Variants in TSPAN18 observed in about 807,000 individuals in gnomAD.
TSPAN18 encodes tetraspanin 18, also known as tetraspanin-18.
TSPAN18 carries 14 observed loss-of-function variants against 27.3 expected under a neutral mutation model. That is an observed-to-expected ratio of 0.51 (90% CI 0.34 to 0.80). The LOEUF is 0.80. Ranked by LOEUF, TSPAN18 falls within the 30% of genes least tolerant of loss-of-function variation. The probability of loss-of-function intolerance (pLI) is 0.01; values close to 1 mark genes in which losing one functional copy is unlikely to be tolerated. For synonymous variants in TSPAN18, 143 were observed against 136.5 expected, an observed-to-expected ratio of 1.05 and a Z score of -0.33; for missense variants, 268 against 323.9, an observed-to-expected ratio of 0.83 and a Z score of 1.32.
intron 4 of TSPAN18, among the ~76,000 whole-genome samples, chr11:44,907,144 C>CAG (rs10626878): frequency 0.96 from 146,511 of 152,234 alleles, 70,785 homozygotes; most frequent in Non-Finnish European, 1. Flanking sequence ...TATGAAGGGA[C>CAG]AGCCCCGGAC....
intron 2 of TSPAN18, among the ~76,000 whole-genome samples, chr11:44,778,399 A>T (rs976807942): frequency 2.6e-5 from 4 of 152,058 alleles, no homozygotes; most frequent in African/African-American, 9.7e-5. Context: ...TCACCAATCA[A>T]TTGCAGCACT....
At chr11:44,823,157 C>T (rs901380529) in intron 2 of TSPAN18, among the ~76,000 whole-genome samples, 1 of 152,204 alleles carries the variant, frequency 6.6e-6, no homozygotes, top group East Asian at 1.9e-4. Context: ...GCCGGCAACG[C>T]CCCCCCACTG....
At chr11:44,794,704 C>CCCTTTT (rs1856307376) in intron 2 of TSPAN18, among the ~76,000 whole-genome samples, 2 of 151,940 alleles carry the variant, frequency 1.3e-5, no homozygotes, top group African/African-American at 2.4e-5. Flanking sequence ...GTCTCTGTTC[C>CCCTTTT]GAGACGTAAG....
intron 2 of TSPAN18, among the ~76,000 whole-genome samples, chr11:44,856,244 A>G (rs1288973962): frequency 1.3e-5 from 2 of 151,956 alleles, no homozygotes; most frequent in Non-Finnish European, 2.9e-5. Context: ...GTGGCTCCCC[A>G]TTGCCTGTGG....
chr11:44,921,687 G>GT (rs1860143084), intron 8 of TSPAN18, among the ~76,000 whole-genome samples: 1 of 152,206 alleles, frequency 6.6e-6, no homozygotes, highest in Non-Finnish European at 1.5e-5. Context: ...CCACCATAGC[G>GT]TGGGGTTTAT....
chr11:44,806,673 A>G (rs1856599688), intron 2 of TSPAN18, among the ~76,000 whole-genome samples: 1 of 152,250 alleles, frequency 6.6e-6, no homozygotes, highest in Non-Finnish European at 1.5e-5. Flanking sequence ...TTGTTCCACT[A>G]TAAAAATCTG....
At chr11:44,882,108 G>C (rs1403237657) in intron 3 of TSPAN18, among the ~76,000 whole-genome samples, 1 of 152,120 alleles carries the variant, frequency 6.6e-6, no homozygotes, top group African/African-American at 2.4e-5. Context: ...CCAGGGCTCA[G>C]ATGTGAAGTG....
chr11:44,750,232 C>A (rs1038571270), intron 1 of TSPAN18, among the ~76,000 whole-genome samples: 1 of 152,154 alleles, frequency 6.6e-6, no homozygotes, highest in Non-Finnish European at 1.5e-5. Context: ...TTTTGGCCAT[C>A]GATCTTAATT....
intron 1 of TSPAN18, among the ~76,000 whole-genome samples, chr11:44,762,830 A>T (rs890498996): frequency 3.3e-5 from 5 of 151,840 alleles, no homozygotes; most frequent in African/African-American, 1.2e-4. Flanking sequence ...GAGTTCAGAG[A>T]CTCCCTTGCA....
chr11:44,878,568 C>T (rs892060200), intron 3 of TSPAN18, among the ~76,000 whole-genome samples: 2 of 152,152 alleles, frequency 1.3e-5, no homozygotes, highest in South Asian at 2.1e-4. Flanking sequence ...TGGGTACCCA[C>T]GGGGCCCTGG....
chr11:44,783,738 G>C (rs1000105345), intron 2 of TSPAN18, among the ~76,000 whole-genome samples: 4 of 152,148 alleles, frequency 2.6e-5, no homozygotes, highest in African/African-American at 9.7e-5. Flanking sequence ...CCAGGCGCTT[G>C]CCTGACCCTG....
intron 2 of TSPAN18, among the ~76,000 whole-genome samples, chr11:44,849,264 C>T (rs982539493): frequency 6.6e-5 from 10 of 152,116 alleles, no homozygotes; most frequent in African/African-American, 1.4e-4. Context: ...TGTGAGCTCC[C>T]TGTGTTTTAG....
intron 3 of TSPAN18, among the ~76,000 whole-genome samples, chr11:44,889,403 C>A (rs1311722856): frequency 6.6e-6 from 1 of 152,236 alleles, no homozygotes; most frequent in Non-Finnish European, 1.5e-5. Context: ...CACCACAAAC[C>A]TCTGGGTAAG....
At chr11:44,784,846 T>C (rs1384785455) in intron 2 of TSPAN18, among the ~76,000 whole-genome samples, 2 of 152,334 alleles carry the variant, frequency 1.3e-5, no homozygotes, top group Admixed American at 6.5e-5. Flanking sequence ...GGTCTCACAG[T>C]TGGCAAAAGG....
chr11:44,876,343 A>G (rs1590616419), intron 3 of TSPAN18, among the ~76,000 whole-genome samples: 2 of 152,318 alleles, frequency 1.3e-5, no homozygotes, highest in East Asian at 3.9e-4. Context: ...TGGACACTGT[A>G]GAAGGCACTC....
At chr11:44,739,862 G>C (rs1045491002) in intron 1 of TSPAN18, among the ~76,000 whole-genome samples, 1 of 152,172 alleles carries the variant, frequency 6.6e-6, no homozygotes, top group African/African-American at 2.4e-5. Flanking sequence ...GAACCGGAGG[G>C]AACAGCTATT....
At chr11:44,800,807 C>A (rs574802983) in intron 2 of TSPAN18, among the ~76,000 whole-genome samples, 3 of 152,168 alleles carry the variant, frequency 2.0e-5, no homozygotes, top group Non-Finnish European at 4.4e-5. Context: ...GGTCATAAAT[C>A]GGGCTAATTG....
intron 2 of TSPAN18, among the ~76,000 whole-genome samples, chr11:44,791,915 G>T (rs996076986): frequency 3.9e-5 from 6 of 152,164 alleles, no homozygotes; most frequent in African/African-American, 1.4e-4. Context: ...TTTGGGGCTA[G>T]CATTTTATTT....
intron 2 of TSPAN18, among the ~76,000 whole-genome samples, chr11:44,842,606 G>A (rs1363557655): frequency 3.3e-5 from 5 of 152,112 alleles, no homozygotes; most frequent in Non-Finnish European, 7.4e-5. Context: ...GGCAGTGAAA[G>A]GGAAGAGAAA....
Sources: gnomAD v4.1 joint callset for allele counts (sites outside exome capture counted in the v4.1 genomes callset) on GRCh38, gnomAD v4.1.1 for gene constraint, MANE v1.5 for transcripts, NCBI Gene and HGNC (gene_info 2026-07-23, HGNC 2026-07-21) for gene names.